Variants in PIK3C3 observed in about 807,000 individuals in gnomAD.
PIK3C3 encodes PI3-kinase type 3.
Under a neutral mutation model 126.1 loss-of-function variants are expected in PIK3C3, and 95 were observed. That is an observed-to-expected ratio of 0.75 (90% CI 0.64 to 0.89). The LOEUF is 0.89. PIK3C3 is among the 40% of genes least tolerant of loss of function. The probability of loss-of-function intolerance (pLI) is 0.00; values close to 1 mark genes in which losing one functional copy is unlikely to be tolerated. For missense variants in PIK3C3, 829 were observed against 1,063.2 expected (o/e 0.78, Z 3.06); for synonymous variants, 374 against 360.0 (o/e 1.04, Z -0.44).
At chr18:42,015,445 A>C (rs763206834) in intron 11 of PIK3C3, 31 bp from the exon 12 acceptor site, 1 of 1,524,890 alleles carries the variant, frequency 6.6e-7, no homozygotes, top group East Asian at 2.3e-5. Context: ...AGTATTTTAC[A>C]TCTCAGTGAT....
At chr18:41,999,804 A>G (rs1982196989) in intron 9 of PIK3C3, among the ~76,000 whole-genome samples, 1 of 152,176 alleles carries the variant, frequency 6.6e-6, no homozygotes, top group Non-Finnish European at 1.5e-5. Flanking sequence ...TCACAGAACA[A>G]AGATTGCCCT....
chr18:41,966,421 C>T (rs940419797), intron 3 of PIK3C3, among the ~76,000 whole-genome samples: 4 of 152,002 alleles, frequency 2.6e-5, no homozygotes, highest in East Asian at 1.9e-4. Flanking sequence ...CCGCCTGCCT[C>T]GCCCTCCCAA....
Position 41,968,611 on chromosome 18 carries a change from G to C in PIK3C3, c.402-1716G>C, listed in dbSNP as rs534996972. ...CAGATATGGTCTTTGATCTTATTGT[G>C]CTCATGAGTTTGTAGCTGTCTTTTA... On this transcript the variant is annotated intron_variant, in intron 3 of 24. Coordinates refer to ENST00000262039, the MANE Select transcript of PIK3C3 (RefSeq NM_002647.4). 6.6e-5 allele frequency among the ~76,000 whole-genome samples: 10 copies of C among 152,120 alleles called. No individual in the cohort carries two copies. The South Asian group carries it at 1.9e-3, about 28-fold the overall frequency.
chr18:41,970,584 A>T, intron 4 of PIK3C3, 128 bp downstream of exon 4: 3 of 842,582 alleles, frequency 3.6e-6, no homozygotes, highest in Non-Finnish European at 5.8e-6. Context: ...TAATTGTTTT[A>T]TTGAGATATA....
chr18:42,077,172 T>G (rs921103108), intron 24 of PIK3C3, among the ~76,000 whole-genome samples: 1 of 152,222 alleles, frequency 6.6e-6, no homozygotes, highest in African/African-American at 2.4e-5. Context: ...TGCTAAAAAA[T>G]GCTTAACAAT....
intron 9 of PIK3C3, among the ~76,000 whole-genome samples, chr18:42,001,257 A>C (rs905537970): frequency 6.6e-6 from 1 of 152,234 alleles, no homozygotes; most frequent in African/African-American, 2.4e-5. Context: ...TACTGTTACA[A>C]ACATTTTACA....
intron 5 of PIK3C3, among the ~76,000 whole-genome samples, chr18:41,989,110 G>T (rs1409132446): frequency 6.6e-6 from 1 of 151,644 alleles, no homozygotes; most frequent in Admixed American, 6.6e-5. Flanking sequence ...TTTTTTGGGG[G>T]ACAAGGTCTT....
chr18:42,013,899 A>T (rs1220544363), intron 11 of PIK3C3, among the ~76,000 whole-genome samples: 1 of 152,204 alleles, frequency 6.6e-6, no homozygotes, highest in East Asian at 1.9e-4. Flanking sequence ...GGTGATAGCA[A>T]TATTAACTCA....
intron 9 of PIK3C3, among the ~76,000 whole-genome samples, chr18:41,999,911 A>G (rs915544927): frequency 6.6e-6 from 1 of 152,134 alleles, no homozygotes; most frequent in Non-Finnish European, 1.5e-5. Context: ...GGTTCAGGAA[A>G]CAGTTTTGCA....
chr18:41,969,119 T>C lies in PIK3C3; in HGVS notation c.402-1208T>C, dbSNP rs1056439033. On this transcript the variant is annotated intron_variant, in intron 3 of 24. Coordinates refer to ENST00000262039, the MANE Select transcript of PIK3C3 (RefSeq NM_002647.4). ...CAGGTGTGAGCCACCATGCCCAGTC[T>C]GTACCTTGTTTTTTTTTTAAAGTAT... 5.3e-5 allele frequency among the ~76,000 whole-genome samples: 8 copies of C among 150,860 alleles called. No homozygotes were observed. In the South Asian group the frequency reaches 1.7e-3, roughly 32 times the overall value.
chr18:42,049,438 A>C (rs972366684), intron 20 of PIK3C3, 93 bp from the exon 21 acceptor site: 1 of 761,090 alleles, frequency 1.3e-6, no homozygotes, highest in Non-Finnish European at 2.2e-6. Context: ...AAACAAATTG[A>C]TATTAAAGTT....
intron 15 of PIK3C3, among the ~76,000 whole-genome samples, chr18:42,029,668 G>C (rs762389657): frequency 6.8e-6 from 1 of 148,000 alleles, no homozygotes; most frequent in Non-Finnish European, 1.5e-5. Flanking sequence ...CCAGCCTCCC[G>C]AGTAGCTAGG....
At chr18:42,057,357 A>G (rs903311629) in intron 21 of PIK3C3, among the ~76,000 whole-genome samples, 1 of 152,180 alleles carries the variant, frequency 6.6e-6, no homozygotes, top group Non-Finnish European at 1.5e-5. Flanking sequence ...TTAAAGTGAT[A>G]GGTGATATAT....
chr18:41,969,994 G>A (rs1277128875), intron 3 of PIK3C3, among the ~76,000 whole-genome samples: 1 of 152,162 alleles, frequency 6.6e-6, no homozygotes, highest in Admixed American at 6.5e-5. Context: ...TCTTCAGTTG[G>A]TTAGGAATTT....
chr18:41,996,083 T>C (rs1982010967), intron 8 of PIK3C3, 89 bp downstream of exon 8: 1 of 802,300 alleles, frequency 1.2e-6, no homozygotes, highest in Non-Finnish European at 2.1e-6. Flanking sequence ...AAAAATTATT[T>C]AGATGCACAT....
At chr18:42,072,443 A>G (rs1437238667) in intron 24 of PIK3C3, among the ~76,000 whole-genome samples, 2 of 152,220 alleles carry the variant, frequency 1.3e-5, no homozygotes, top group African/African-American at 4.8e-5. Context: ...TTTCCTAGCA[A>G]CACCCACATA....
intron 24 of PIK3C3, among the ~76,000 whole-genome samples, chr18:42,073,896 A>G (rs1985876205): frequency 6.6e-6 from 1 of 152,140 alleles, no homozygotes. Context: ...AACTAAGACC[A>G]TTCAAGCCCA....
chr18:41,955,906 G>A (rs1359219730), intron 1 of PIK3C3, among the ~76,000 whole-genome samples: 1 of 152,082 alleles, frequency 6.6e-6, no homozygotes, highest in Non-Finnish European at 1.5e-5. Context: ...CGAAGATGAG[G>A]GTTCCAGTTT....
Position 41,957,717 on chromosome 18 carries a change from G to T in PIK3C3, c.216G>T (p.Leu72Phe). 1 of 1,613,224 alleles carries T rather than the reference G, an allele frequency of 6.2e-7. No homozygotes were observed. Among genetic ancestry groups the T allele is most frequent in the Non-Finnish European group, 8.5e-7 (1 of 1,179,740 alleles). The change falls in exon 2 of 25, where the codon TTG (leucine) becomes TTT (phenylalanine). Residue 72 changes from leucine (L) to phenylalanine (F), a missense_variant. Around this residue, in one of 4 missense-constraint regions of PIK3C3, gnomAD observed 313 missense variants for 340.7 expected, o/e 0.92. Coordinates refer to ENST00000262039, the MANE Select transcript of PIK3C3 (RefSeq NM_002647.4). ...QVFAEGKPLA[L>F]PVRTSYKAFS... is the part of the protein sequence containing the mutation. ...TTGCAGAAGGGAAGCCTTTGGCCTT[G>T]CCAGTGAGAACATCCTACAAAGCAT...
Sources: gnomAD v4.1 joint callset for allele counts (sites outside exome capture counted in the v4.1 genomes callset) on GRCh38, gnomAD v4.1.1 for gene constraint, gnomAD v4.1.1 regional missense constraint, MANE v1.5 for transcripts, NCBI Gene and HGNC (gene_info 2026-07-23, HGNC 2026-07-21) for gene names.